Variants in GABRB1 observed in about 807,000 individuals in gnomAD.
The protein encoded by GABRB1 is gamma-aminobutyric acid type A receptor subunit beta1, also known as gamma-aminobutyric acid receptor subunit beta-1.
Under a neutral mutation model 51.6 loss-of-function variants are expected in GABRB1, and 17 were observed. The ratio of observed to expected loss-of-function variants is 0.33; its 90% confidence interval spans 0.23 to 0.49. GABRB1 has a LOEUF of 0.49. Ranked by LOEUF, GABRB1 falls within the 20% of genes least tolerant of loss-of-function variation. GABRB1 has a pLI of 0.99. For synonymous variants in GABRB1, 247 were observed against 218.9 expected, an observed-to-expected ratio of 1.13 and a Z score of -1.14; for missense variants, 410 against 600.6, an observed-to-expected ratio of 0.68 and a Z score of 3.32.
intron 5 of GABRB1, among the ~76,000 whole-genome samples, chr4:47,323,038 A>G (rs1449294231): frequency 6.6e-6 from 1 of 151,952 alleles, no homozygotes; most frequent in African/African-American, 2.4e-5. Context: ...AACTGGAAAC[A>G]CTCTTGGCTA....
At chr4:47,376,406 G>C (rs573493943) in intron 5 of GABRB1, among the ~76,000 whole-genome samples, 1 of 152,294 alleles carries the variant, frequency 6.6e-6, no homozygotes, top group East Asian at 1.9e-4. Flanking sequence ...CAGCACTTTG[G>C]GAGGTCGAGA....
At chr4:47,102,690 G>A (rs549621105) in intron 3 of GABRB1, among the ~76,000 whole-genome samples, 2 of 152,062 alleles carry the variant, frequency 1.3e-5, no homozygotes, top group East Asian at 3.9e-4. Flanking sequence ...GAACATAAAG[G>A]GCCTGAAAGT....
At chr4:47,253,103 A>C (rs1722055611) in intron 4 of GABRB1, among the ~76,000 whole-genome samples, 1 of 152,190 alleles carries the variant, frequency 6.6e-6, no homozygotes, top group Admixed American at 6.5e-5. Flanking sequence ...GCCCAATGTC[A>C]CACCTCTGGG....
At chr4:47,223,888 C>T (rs1720854937) in intron 4 of GABRB1, among the ~76,000 whole-genome samples, 1 of 152,136 alleles carries the variant, frequency 6.6e-6, no homozygotes, top group African/African-American at 2.4e-5. Flanking sequence ...CTAGAAGTAA[C>T]ATCTCAACCA....
At chr4:47,247,649 A>G (rs1007165313) in intron 4 of GABRB1, among the ~76,000 whole-genome samples, 1 of 152,074 alleles carries the variant, frequency 6.6e-6, no homozygotes, top group African/African-American at 2.4e-5. Context: ...CTACCCAACC[A>G]TGAGCATGGG....
chr4:47,402,638 A>C (rs1361441631), intron 5 of GABRB1, among the ~76,000 whole-genome samples: 1 of 152,114 alleles, frequency 6.6e-6, no homozygotes, highest in Non-Finnish European at 1.5e-5. Flanking sequence ...AAGCCCTTCT[A>C]TTACAATCTA....
chr4:47,127,436 T>G (rs1716203116), intron 3 of GABRB1, among the ~76,000 whole-genome samples: 1 of 151,842 alleles, frequency 6.6e-6, no homozygotes, highest in African/African-American at 2.4e-5. Flanking sequence ...AACTAATTTC[T>G]ATAACAAACA....
chr4:47,386,883 T>A (rs1285107366), intron 5 of GABRB1, among the ~76,000 whole-genome samples: 1 of 152,224 alleles, frequency 6.6e-6, no homozygotes, highest in African/African-American at 2.4e-5. Flanking sequence ...TACTTTCTTA[T>A]CTGATAGGCT....
At chr4:47,349,694 G>A (rs964841809) in intron 5 of GABRB1, among the ~76,000 whole-genome samples, 1 of 152,102 alleles carries the variant, frequency 6.6e-6, no homozygotes, top group Admixed American at 6.5e-5. Flanking sequence ...TATGTATAAG[G>A]TTAGGTTCAA....
chr4:47,331,908 A>T (rs1413007384), intron 5 of GABRB1, among the ~76,000 whole-genome samples: 2 of 152,188 alleles, frequency 1.3e-5, no homozygotes, highest in Non-Finnish European at 2.9e-5. Flanking sequence ...CTGACTGGCA[A>T]GTCTACGATT....
At chr4:47,110,104 T>C (rs1237347724) in intron 3 of GABRB1, among the ~76,000 whole-genome samples, 1 of 152,176 alleles carries the variant, frequency 6.6e-6, no homozygotes, top group African/African-American at 2.4e-5. Flanking sequence ...AGGAACCTAA[T>C]GTGTCTAGCT....
intron 3 of GABRB1, among the ~76,000 whole-genome samples, chr4:47,064,386 G>A (rs140297890): frequency 2.0e-5 from 3 of 152,292 alleles, no homozygotes; most frequent in African/African-American, 7.2e-5. Flanking sequence ...TGTAATCCCA[G>A]TACTTTGGGA....
intron 4 of GABRB1, among the ~76,000 whole-genome samples, chr4:47,317,506 T>C (rs1724936307): frequency 6.6e-6 from 1 of 151,872 alleles, no homozygotes; most frequent in Admixed American, 6.6e-5. Context: ...ATACACTTAA[T>C]AAAGTGAATA....
intron 5 of GABRB1, among the ~76,000 whole-genome samples, chr4:47,398,536 G>A (rs1231090569): frequency 1.3e-5 from 2 of 151,774 alleles, no homozygotes; most frequent in African/African-American, 2.4e-5. Flanking sequence ...CCCATGTTAA[G>A]GAAATATCTT....
intron 4 of GABRB1, among the ~76,000 whole-genome samples, chr4:47,214,105 A>C (rs1188163726): frequency 6.6e-6 from 1 of 152,134 alleles, no homozygotes; most frequent in Non-Finnish European, 1.5e-5. Flanking sequence ...ATGAGAGTAG[A>C]ATGCATTAGT....
At chr4:47,362,542 T>G (rs1726845902) in intron 5 of GABRB1, among the ~76,000 whole-genome samples, 1 of 152,166 alleles carries the variant, frequency 6.6e-6, no homozygotes, top group African/African-American at 2.4e-5. Flanking sequence ...CCATCATAAA[T>G]TTTACGTGGT....
intron 4 of GABRB1, among the ~76,000 whole-genome samples, chr4:47,206,770 A>AT (rs1477336044): frequency 1.3e-5 from 2 of 151,918 alleles, no homozygotes; most frequent in Admixed American, 1.3e-4. Flanking sequence ...ACAGAATCAA[A>AT]TGGTCCACAT....
chr4:47,212,445 G>A (rs553153531), intron 4 of GABRB1, among the ~76,000 whole-genome samples: 3 of 152,298 alleles, frequency 2.0e-5, no homozygotes, highest in South Asian at 2.1e-4. Flanking sequence ...GGGAGGCTGA[G>A]GCCTTTGGAT....
At position 47,237,971 on chromosome 4, in the gene GABRB1, T is replaced by C. The variant is rs1721389800; in HGVS notation, c.461+76502T>C. 4.6e-5 allele frequency among the ~76,000 whole-genome samples: 7 copies of C among 152,122 alleles called. 1 individual carries two copies. The South Asian group carries it at 1.5e-3, about 32-fold the overall frequency. On this transcript the variant is annotated intron_variant, in intron 4 of 8. Transcript: ENST00000295454. ...TGTAATTAAATATTTATATAAACAG[T>C]AATTAATTTGAATTTATATTTCATA...
Sources: gnomAD v4.1 joint callset for allele counts (sites outside exome capture counted in the v4.1 genomes callset) on GRCh38, gnomAD v4.1.1 for gene constraint, MANE v1.5 for transcripts, NCBI Gene and HGNC (gene_info 2026-07-23, HGNC 2026-07-21) for gene names.